Variants in PTPRT observed in about 807,000 individuals in gnomAD.
PTPRT encodes the protein receptor-type tyrosine-protein phosphatase T.
A neutral mutation model predicts 176.8 loss-of-function variants in PTPRT; 56 were observed. The ratio of observed to expected loss-of-function variants is 0.32; its 90% CI spans 0.26 to 0.40. The LOEUF (loss-of-function observed/expected upper bound fraction) is 0.40, where lower values mean the gene tolerates loss of function less well. PTPRT is among the 10% of genes least tolerant of loss of function. The pLI is 1.00. For synonymous variants in PTPRT, 783 were observed against 739.0 expected (o/e 1.06, Z -0.96); for missense variants, 1,540 against 1,908.2 (o/e 0.81, Z 3.60).
intron 6 of PTPRT, among the ~76,000 whole-genome samples, chr20:42,745,959 T>A (rs997228218): frequency 6.6e-6 from 1 of 152,298 alleles, no homozygotes; most frequent in Middle Eastern, 3.4e-3. Flanking sequence ...CCACAAATGG[T>A]AGCTAACTAC....
At chr20:43,112,741 T>C (rs2012914169) in intron 1 of PTPRT, among the ~76,000 whole-genome samples, 1 of 152,218 alleles carries the variant, frequency 6.6e-6, no homozygotes, top group Non-Finnish European at 1.5e-5. Flanking sequence ...TCAAGCACGA[T>C]TTTTATTAAC....
intron 7 of PTPRT, among the ~76,000 whole-genome samples, chr20:42,625,200 G>T (rs1013371223): frequency 6.6e-6 from 1 of 152,138 alleles, no homozygotes; most frequent in Admixed American, 6.5e-5. Context: ...TCACTGTGAG[G>T]TCCAGCTTAA....
At chr20:42,549,562 A>T (rs1051667000) in intron 7 of PTPRT, among the ~76,000 whole-genome samples, 3 of 152,192 alleles carry the variant, frequency 2.0e-5, no homozygotes, top group African/African-American at 4.8e-5. Context: ...CATTAACTCA[A>T]CTACCTGCAC....
intron 7 of PTPRT, among the ~76,000 whole-genome samples, chr20:42,667,818 C>A (rs2075342304): frequency 6.6e-6 from 1 of 152,136 alleles, no homozygotes; most frequent in African/African-American, 2.4e-5. Flanking sequence ...TGCTTCCAGG[C>A]AGAAAGCAGA....
chr20:42,294,778 C>A (rs914701064), intron 12 of PTPRT, among the ~76,000 whole-genome samples: 2 of 151,820 alleles, frequency 1.3e-5, no homozygotes, highest in East Asian at 1.9e-4. Context: ...CCAAAATATA[C>A]AAAAGATCAG....
intron 14 of PTPRT, among the ~76,000 whole-genome samples, chr20:42,239,413 CTTTTTT>C (rs35978863): frequency 1.8e-4 from 15 of 81,224 alleles, no homozygotes; most frequent in Admixed American, 1.7e-3. Context: ...CATTTTCTTT[CTTTTTT>C]TTTTTTTTTT....
intron 15 of PTPRT, among the ~76,000 whole-genome samples, chr20:42,201,085 T>C (rs1463710425): frequency 6.6e-6 from 1 of 152,170 alleles, no homozygotes; most frequent in Non-Finnish European, 1.5e-5. Flanking sequence ...GAGGCTGAGC[T>C]GGGCAGATCA....
intron 24 of PTPRT, among the ~76,000 whole-genome samples, chr20:42,106,240 A>ATACTC: frequency 6.6e-6 from 1 of 152,184 alleles, no homozygotes; most frequent in Admixed American, 6.5e-5. Flanking sequence ...ATTCCTTTCA[A>ATACTC]TACTCTTAGG....
At chr20:42,895,634 G>A (rs2079282892) in intron 1 of PTPRT, among the ~76,000 whole-genome samples, 1 of 152,118 alleles carries the variant, frequency 6.6e-6, no homozygotes, top group South Asian at 2.1e-4. Context: ...TGTTATTGTT[G>A]TACAGAAACA....
chr20:42,515,129 A>C (rs2072036584), intron 7 of PTPRT, among the ~76,000 whole-genome samples: 3 of 152,150 alleles, frequency 2.0e-5, no homozygotes, highest in Admixed American at 1.3e-4. Flanking sequence ...CCAATAATCT[A>C]TCTCTCTATT....
chr20:42,905,494 T>C (rs534281951), intron 1 of PTPRT, among the ~76,000 whole-genome samples: 1 of 152,190 alleles, frequency 6.6e-6, no homozygotes, highest in Non-Finnish European at 1.5e-5. Flanking sequence ...TCAACCATTG[T>C]GGAAGACAGT....
intron 17 of PTPRT, among the ~76,000 whole-genome samples, chr20:42,147,830 G>C (rs1293798361): frequency 6.6e-6 from 1 of 152,184 alleles, no homozygotes; most frequent in Non-Finnish European, 1.5e-5. Context: ...AGCAGAGGAG[G>C]GATGCCTAAT....
rs5841476 is a variant in PTPRT at position 42,867,683 on chromosome 20, C to CTTTT, written c.214+18120_214+18123dup. ...ATAAATTTAAAAATTTACATATGGC[C>CTTTT]TTTTTTTTTTTTTTTTTTGTGACAG... On this transcript the variant is annotated intron_variant, in intron 2 of 30. Coordinates refer to ENST00000373187, the MANE Select transcript of PTPRT (RefSeq NM_007050.6). Among the ~76,000 whole-genome samples the CTTTT allele has an allele frequency of 1.3e-3, 145 of 113,398 alleles. 3 individuals are homozygous for CTTTT. The highest frequency in any genetic ancestry group is 5.1e-3 in the Middle Eastern group (1 of 198). 74.4% of individuals were successfully genotyped at this position (113,398 alleles called of 152,430 possible). A position where few individuals can be genotyped will look rare whatever the true frequency, so the allele number is the denominator to read the frequency against.
At chr20:42,522,951 G>T (rs1057236662) in intron 7 of PTPRT, among the ~76,000 whole-genome samples, 1 of 152,008 alleles carries the variant, frequency 6.6e-6, no homozygotes, top group East Asian at 1.9e-4. Context: ...TCTGATACTC[G>T]CAGATCTTCA....
chr20:42,217,126 C>A (rs1329476172), intron 15 of PTPRT, among the ~76,000 whole-genome samples: 1 of 152,128 alleles, frequency 6.6e-6, no homozygotes, highest in East Asian at 1.9e-4. Context: ...GTAATCCCAG[C>A]ATTTTAGGAG....
intron 1 of PTPRT, among the ~76,000 whole-genome samples, chr20:43,092,497 A>C (rs2011922223): frequency 6.6e-6 from 1 of 152,248 alleles, no homozygotes; most frequent in Admixed American, 6.5e-5. Flanking sequence ...AAGGAGAGAC[A>C]CAAATACTAT....
At chr20:42,359,896 G>T (rs1380336974) in intron 9 of PTPRT, among the ~76,000 whole-genome samples, 1 of 152,196 alleles carries the variant, frequency 6.6e-6, no homozygotes, top group Non-Finnish European at 1.5e-5. Flanking sequence ...CCTCTAGCCT[G>T]GTGCGGACTT....
intron 1 of PTPRT, among the ~76,000 whole-genome samples, chr20:43,116,889 C>G (rs2013081628): frequency 6.6e-6 from 1 of 152,148 alleles, no homozygotes; most frequent in African/African-American, 2.4e-5. Context: ...CAAAAAAACA[C>G]TGGCACCAAG....
chr20:42,587,773 G>C (rs1386694218), intron 7 of PTPRT, among the ~76,000 whole-genome samples: 1 of 152,096 alleles, frequency 6.6e-6, no homozygotes, highest in African/African-American at 2.4e-5. Flanking sequence ...GCTCTGGATG[G>C]TGCTTATGAT....
Sources: gnomAD v4.1 joint callset for allele counts (sites outside exome capture counted in the v4.1 genomes callset) on GRCh38, gnomAD v4.1.1 for gene constraint, MANE v1.5 for transcripts, NCBI Gene and HGNC (gene_info 2026-07-23, HGNC 2026-07-21) for gene names.